Variants in CEP350 observed in about 807,000 individuals in gnomAD.
The protein encoded by CEP350 is centrosomal protein 350, also known as centrosome-associated protein 350.
In CEP350, 126 loss-of-function variants were observed where a neutral mutation model predicts 331.8. The ratio of observed to expected loss-of-function variants is 0.38; its 90% CI spans 0.33 to 0.44. The LOEUF is 0.44. Ranked by LOEUF, CEP350 falls within the 20% of genes least tolerant of loss-of-function variation. The pLI, the probability that CEP350 is intolerant of heterozygous loss-of-function variation, is 1.00. For synonymous variants in CEP350, 1,200 were observed against 1,259.5 expected (o/e 0.95, Z 1.00); for missense variants, 3,406 against 3,634.6 (o/e 0.94, Z 1.62).
intron 22 of CEP350, among the ~76,000 whole-genome samples, chr1:180,049,631 C>T (rs1282674019): frequency 6.6e-6 from 1 of 151,592 alleles, no homozygotes; most frequent in Non-Finnish European, 1.5e-5. Context: ...GCAACCTCCG[C>T]CTCCTGGGTT....
In CEP350 at chr1:180,093,529, A is replaced by C. The variant is rs767841526; in HGVS notation, c.7424A>C (p.His2475Pro). ...MKSKERSDVE[H>P]EQQVTESPSL... ...AGTAAGGAGCGCAGTGATGTGGAGCATGAACAGCAAGTTACTGAATCCCCT... is the reference window on the plus strand; with the variant it reads ...AGTAAGGAGCGCAGTGATGTGGAGCCTGAACAGCAAGTTACTGAATCCCCT... Residue 2475 changes from histidine to proline, a missense_variant, in exon 34 of 38, where the codon CAT becomes CCT. Coordinates refer to ENST00000367607, the MANE Select transcript of CEP350 (RefSeq NM_014810.5). The C allele has an allele frequency of 6.2e-6, 10 of 1,613,630 alleles. No homozygotes were observed. Among genetic ancestry groups the C allele is most frequent in the Non-Finnish European group, 7.6e-6 (9 of 1,179,642 alleles).
intron 31 of CEP350, 31 bp downstream of exon 31, chr1:180,084,209 CA>C: frequency 6.4e-7 from 1 of 1,552,580 alleles, no homozygotes; most frequent in Non-Finnish European, 8.7e-7. Context: ...GGTTTAGTAT[CA>C]AGGCTAATGT....
chr1:180,092,944 A>T lies in CEP350; in HGVS notation c.6839A>T (p.Lys2280Ile), dbSNP rs182102417. ...KIEDAFSKEG[K>I]SDVLLKLVLE... The stretch of plus-strand genomic sequence containing the variant: ...GAAGATGCCTTTTCTAAAGAAGGTA[A>T]ATCTGATGTCTTACTGAAATTAGTC... The change falls in exon 34 of 38, where the codon AAA (lysine) becomes ATA (isoleucine). Residue 2280 changes from lysine to isoleucine, a missense_variant. Physicochemically the swap from Lys to Ile is moderately radical, Grantham distance 102. Around this residue, in one of 5 missense-constraint regions of CEP350, gnomAD observed 1,415 missense variants for 1,512.3 expected, o/e 0.94. Coordinates refer to ENST00000367607, the MANE Select transcript of CEP350 (RefSeq NM_014810.5). The T allele has an allele frequency of 1.7e-4, 274 of 1,592,320 alleles. 4 individuals carry two copies. The East Asian group carries it at 5.6e-3, about 32-fold the overall frequency.
chr1:180,081,394 C>T (rs564922469), intron 30 of CEP350, among the ~76,000 whole-genome samples: 2 of 152,136 alleles, frequency 1.3e-5, no homozygotes, highest in South Asian at 2.1e-4. Flanking sequence ...AGTAGATGTA[C>T]CATAATTTAT....
chr1:179,971,133 A>G (rs1193582470), intron 1 of CEP350, among the ~76,000 whole-genome samples: 1 of 151,838 alleles, frequency 6.6e-6, no homozygotes, highest in Non-Finnish European at 1.5e-5. Context: ...GGTTTAAGCA[A>G]TTCTCCTGCT....
At chr1:180,031,982 T>C (rs1193304353) in intron 15 of CEP350, among the ~76,000 whole-genome samples, 1 of 152,096 alleles carries the variant, frequency 6.6e-6, no homozygotes, top group Non-Finnish European at 1.5e-5. Flanking sequence ...AGCATCCTTA[T>C]TGTCTTATTG....
intron 6 of CEP350, among the ~76,000 whole-genome samples, chr1:180,002,485 T>C (rs956035443): frequency 3.3e-5 from 5 of 151,368 alleles, no homozygotes; most frequent in Non-Finnish European, 7.4e-5. Flanking sequence ...AAAAATAAAA[T>C]AAAATGAAAT....
chr1:180,003,502 C>G (rs904895445), intron 7 of CEP350, among the ~76,000 whole-genome samples: 1 of 152,104 alleles, frequency 6.6e-6, no homozygotes, highest in Non-Finnish European at 1.5e-5. Context: ...GAGACAGAAA[C>G]TAGGCTATTT....
intron 37 of CEP350, among the ~76,000 whole-genome samples, chr1:180,099,698 A>G (rs1171416818): frequency 6.6e-6 from 1 of 151,758 alleles, no homozygotes; most frequent in African/African-American, 2.4e-5. Flanking sequence ...GTACCTCTCT[A>G]GTGTTTCATT....
chr1:180,037,224 C>A (rs1413637956), intron 17 of CEP350, 135 bp downstream of exon 17: 2 of 633,984 alleles, frequency 3.2e-6, no homozygotes, highest in African/African-American at 3.8e-5. Flanking sequence ...AATAAATAGT[C>A]CTGGGAAAAA....
In CEP350 at chr1:180,020,962, A is replaced by G. The variant is rs1291928031; in HGVS notation, c.3188A>G (p.His1063Arg). The change falls in exon 12 of 38, where the codon CAT becomes CGT. Residue 1063 changes from histidine (H) to arginine (R), a missense_variant. Coordinates refer to ENST00000367607, the MANE Select transcript of CEP350 (RefSeq NM_014810.5). ...GAAGAATTGGCAAAGGGAAGTCCAC[A>G]TAGCGTCATTAATATTTTTACAAAA... ...PWEELAKGSP[H>R]SVINIFTKSY... is the part of the protein sequence containing the mutation. 1.3e-6 allele frequency: 2 copies of G among 1,582,334 alleles called. No individual in the cohort carries two copies. Among genetic ancestry groups the G allele is most frequent in the African/African-American group, 1.4e-5 (1 of 72,894 alleles).
At chr1:180,014,613 T>TA (rs1571868447) in intron 10 of CEP350, 108 bp downstream of exon 10, 3 of 1,000,930 alleles carry the variant, frequency 3.0e-6, no homozygotes, top group Non-Finnish European at 4.3e-6. Context: ...AGATAATACT[T>TA]ATAATAATCA....
chr1:180,004,892 TTGCTTGCTTGCTTG>T (rs1171742349), intron 7 of CEP350, among the ~76,000 whole-genome samples: 834 of 43,814 alleles, frequency 0.019, 10 homozygotes, highest in African/African-American at 0.041. Context: ...GCTTGCTTGC[TTGCTTGCTTGCTTG>T]CTTTCTTTCT....
chr1:180,082,192 A>G (rs1482219579), intron 30 of CEP350, among the ~76,000 whole-genome samples: 1 of 152,240 alleles, frequency 6.6e-6, no homozygotes, highest in Non-Finnish European at 1.5e-5. Context: ...CATTTGTAAG[A>G]TACTGTTTTA....
intron 1 of CEP350, chr1:179,968,564 C>T (rs768440879): frequency 6.1e-6 from 2 of 330,428 alleles, no homozygotes; most frequent in Non-Finnish European, 5.9e-6. Context: ...AGTTATTGAA[C>T]GTGGAAGGAG....
In CEP350 at chr1:180,062,242, A is replaced by G. The variant is rs764527285; in HGVS notation, c.5285A>G (p.Glu1762Gly). 5 of 1,609,982 alleles carry G rather than the reference A, an allele frequency of 3.1e-6. No homozygotes were observed. The highest frequency in any genetic ancestry group is 4.2e-6 in the Non-Finnish European group (5 of 1,177,920). The change falls in exon 26 of 38, where the codon GAA (glutamate) becomes GGA (glycine). Residue 1762 changes from glutamate to glycine, a missense_variant. Glu to Gly is a moderately conservative substitution (Grantham distance 98). Coordinates refer to ENST00000367607, the MANE Select transcript of CEP350 (RefSeq NM_014810.5). Reference sequence around the variant, plus strand: ...TAGGCAGAAATAAAACGTCTTCAAGAAGCCAATAAGGCAGCTCGGAAGGAA... The same window carrying G: ...TAGGCAGAAATAAAACGTCTTCAAGGAGCCAATAAGGCAGCTCGGAAGGAA... The part of the protein sequence containing the change: ...QEKAEIKRLQ[E>G]ANKAARKERQ...
intron 8 of CEP350, among the ~76,000 whole-genome samples, chr1:180,008,645 A>G (rs1352193907): frequency 6.6e-6 from 1 of 152,210 alleles, no homozygotes; most frequent in East Asian, 1.9e-4. Context: ...CATTTGCTGT[A>G]TGTGAGGTAC....
chr1:180,003,110 T>C (rs1050245192), intron 6 of CEP350, 64 bp from the exon 7 acceptor site: 16 of 1,026,092 alleles, frequency 1.6e-5, no homozygotes, highest in African/African-American at 1.3e-4. Flanking sequence ...CTTTAAAAAG[T>C]ATAACAAACA....
At chr1:180,075,956 A>T (rs1044221697) in intron 28 of CEP350, among the ~76,000 whole-genome samples, 1 of 149,982 alleles carries the variant, frequency 6.7e-6, no homozygotes, top group Non-Finnish European at 1.5e-5. Context: ...TCCGTATCTC[A>T]AGGAAAAAAA....
Sources: allele counts gnomAD v4.1 joint callset (sites outside exome capture counted in the v4.1 genomes callset), GRCh38; gene constraint gnomAD v4.1.1; regional missense constraint gnomAD v4.1.1; transcripts MANE v1.5; gene names NCBI Gene and HGNC (gene_info 2026-07-23, HGNC 2026-07-21).